The following CDH13 variants were observed in gnomAD, a reference collection of about 807,000 sequenced individuals.
CDH13 encodes the protein cadherin 13, also known as cadherin-13.
In CDH13, 24 loss-of-function variants were observed where a neutral mutation model predicts 63.8. That is an observed-to-expected ratio of 0.38 (90% CI 0.27 to 0.53). The LOEUF is 0.53. Ranked by LOEUF, CDH13 falls within the 20% of genes least tolerant of loss-of-function variation. The pLI is 0.85. For synonymous variants in CDH13, 503 were observed against 355.3 expected, an observed-to-expected ratio of 1.42 and a Z score of -4.67; for missense variants, 1,049 against 903.1, an observed-to-expected ratio of 1.16 and a Z score of -2.07.
chr16:83,469,625 A>C (rs1203508592), intron 6 of CDH13, among the ~76,000 whole-genome samples: 1 of 152,138 alleles, frequency 6.6e-6, no homozygotes, highest in Non-Finnish European at 1.5e-5. Flanking sequence ...TCTGTGTGTA[A>C]GCATCTCTGT....
intron 1 of CDH13, among the ~76,000 whole-genome samples, chr16:82,823,032 A>C (rs1210787985): frequency 6.6e-6 from 1 of 152,254 alleles, no homozygotes; most frequent in South Asian, 2.1e-4. Flanking sequence ...CTGCCTTGAC[A>C]TCTCTCTATG....
At position 82,716,186 on chromosome 16, in the gene CDH13, C is replaced by A. The variant is rs146062032; in HGVS notation, c.45+89049C>A. ...AATCCCCCGAGGAGCCTGGAAAAGA[C>A]TTCCCTCTTGGGTTCAGGCATGTCC... On this transcript the variant is annotated intron_variant, in intron 1 of 13. Coordinates refer to ENST00000567109, the MANE Select transcript of CDH13 (RefSeq NM_001257.5). Among the ~76,000 whole-genome samples, 513 of 152,316 alleles carry A rather than the reference C, an allele frequency of 3.4e-3. 5 individuals carry two copies. The highest frequency in any genetic ancestry group is 0.011 in the African/African-American group (457 of 41,564).
intron 4 of CDH13, among the ~76,000 whole-genome samples, chr16:83,191,738 G>C (rs188449029): frequency 9.9e-5 from 15 of 151,788 alleles, no homozygotes; most frequent in African/African-American, 3.1e-4. Context: ...AAAGATGTAG[G>C]CTGGGAGGCT....
chr16:83,309,645 G>A (rs1436967065), intron 5 of CDH13, among the ~76,000 whole-genome samples: 1 of 152,246 alleles, frequency 6.6e-6, no homozygotes, highest in Non-Finnish European at 1.5e-5. Context: ...CAAGTGCTGG[G>A]ATTACAGGCG....
At chr16:82,692,675 A>C (rs752364098) in intron 1 of CDH13, among the ~76,000 whole-genome samples, 1 of 152,236 alleles carries the variant, frequency 6.6e-6, no homozygotes, top group Non-Finnish European at 1.5e-5. Flanking sequence ...TGAATAGGTG[A>C]TATGGCAGTG....
intron 7 of CDH13, among the ~76,000 whole-genome samples, chr16:83,588,445 C>T (rs1312714772): frequency 6.6e-6 from 1 of 152,146 alleles, no homozygotes; most frequent in African/African-American, 2.4e-5. Flanking sequence ...ATTTTTCCCC[C>T]AGGAGATTTA....
intron 3 of CDH13, among the ~76,000 whole-genome samples, chr16:83,111,415 A>G (rs1375671679): frequency 1.3e-5 from 2 of 152,174 alleles, no homozygotes; most frequent in Non-Finnish European, 2.9e-5. Flanking sequence ...TAAAGCATAA[A>G]TAATATTGAT....
chr16:82,895,336 C>T (rs2041215611), intron 2 of CDH13, among the ~76,000 whole-genome samples: 1 of 152,190 alleles, frequency 6.6e-6, no homozygotes, highest in Non-Finnish European at 1.5e-5. Flanking sequence ...TTGTTACCCT[C>T]CCTCCTTCAT....
chr16:82,764,431 T>C (rs1397872429), intron 1 of CDH13, among the ~76,000 whole-genome samples: 2 of 152,124 alleles, frequency 1.3e-5, no homozygotes, highest in Non-Finnish European at 2.9e-5. Flanking sequence ...GAAAGGGAAG[T>C]CTCAAATCTA....
chr16:82,932,697 A>G (rs2042538081), intron 2 of CDH13, among the ~76,000 whole-genome samples: 2 of 152,216 alleles, frequency 1.3e-5, no homozygotes, highest in Non-Finnish European at 1.5e-5. Context: ...TTTTCAATGA[A>G]AATATGATGA....
chr16:83,264,746 C>T (rs572427600), intron 5 of CDH13, among the ~76,000 whole-genome samples: 1 of 151,598 alleles, frequency 6.6e-6, no homozygotes, highest in Admixed American at 6.6e-5. Context: ...ACTCCTTTGG[C>T]TGGTTTTTTT....
chr16:83,349,226 G>C (rs1388642360), intron 6 of CDH13, among the ~76,000 whole-genome samples: 2 of 152,224 alleles, frequency 1.3e-5, no homozygotes, highest in African/African-American at 4.8e-5. Context: ...CCAAGCCAAG[G>C]CTCTGGCTGC....
At chr16:83,242,829 T>C (rs543006497) in intron 5 of CDH13, among the ~76,000 whole-genome samples, 3 of 152,332 alleles carry the variant, frequency 2.0e-5, no homozygotes, top group African/African-American at 7.2e-5. Context: ...GAGACAGACA[T>C]ATCAGTCACT....
At chr16:82,740,962 A>T (rs1240067527) in intron 1 of CDH13, among the ~76,000 whole-genome samples, 1 of 152,188 alleles carries the variant, frequency 6.6e-6, no homozygotes, top group Non-Finnish European at 1.5e-5. Flanking sequence ...CCTCCTTCTC[A>T]TGCCTATATT....
At chr16:83,289,050 A>G (rs983638401) in intron 5 of CDH13, among the ~76,000 whole-genome samples, 1 of 152,228 alleles carries the variant, frequency 6.6e-6, no homozygotes, top group South Asian at 2.1e-4. Flanking sequence ...TGAAACTCCT[A>G]CATTCACCAA....
chr16:83,459,687 A>C (rs2073125898), intron 6 of CDH13, among the ~76,000 whole-genome samples: 1 of 152,228 alleles, frequency 6.6e-6, no homozygotes, highest in African/African-American at 2.4e-5. Flanking sequence ...GTAAATGCTA[A>C]AGGTAAAACC....
chr16:83,785,797 G>C (rs530100699), intron 13 of CDH13, among the ~76,000 whole-genome samples: 1 of 152,298 alleles, frequency 6.6e-6, no homozygotes, highest in African/African-American at 2.4e-5. Flanking sequence ...TGGAAGGGCA[G>C]CTTAGACATT....
intron 5 of CDH13, among the ~76,000 whole-genome samples, chr16:83,284,324 CTT>C (rs1166032364): frequency 6.6e-6 from 1 of 152,142 alleles, no homozygotes; most frequent in East Asian, 1.9e-4. Context: ...AGCTGTTTGA[CTT>C]TGAGCAAATT....
intron 1 of CDH13, among the ~76,000 whole-genome samples, chr16:82,737,747 C>T (rs1345325568): frequency 2.0e-5 from 3 of 152,208 alleles, no homozygotes; most frequent in Non-Finnish European, 4.4e-5. Flanking sequence ...TTTCCTCTTC[C>T]TCTATAAACT....
Sources: gnomAD v4.1 joint callset for allele counts (sites outside exome capture counted in the v4.1 genomes callset) on GRCh38, gnomAD v4.1.1 for gene constraint, MANE v1.5 for transcripts, NCBI Gene and HGNC (gene_info 2026-07-23, HGNC 2026-07-21) for gene names.